The following MYOM3 variants were observed in gnomAD, a reference collection of about 807,000 sequenced individuals.
The protein encoded by MYOM3 is myomesin-3.
A neutral mutation model predicts 191.7 loss-of-function variants in MYOM3; 155 were observed. That is an observed-to-expected ratio of 0.81 (90% CI 0.71 to 0.92). The LOEUF (loss-of-function observed/expected upper bound fraction) is 0.92. MYOM3 is among the 40% of genes least tolerant of loss of function. The pLI is 0.00. For synonymous variants in MYOM3, 757 were observed against 762.9 expected, an observed-to-expected ratio of 0.99 and a Z score of 0.13; for missense variants, 1,889 against 1,890.6, an observed-to-expected ratio of 1.00 and a Z score of 0.02.
At chr1:24,059,009 G>A (rs775860565) in intron 35 of MYOM3, 30 bp from the exon 36 acceptor site, 1 of 1,572,190 alleles carries the variant, frequency 6.4e-7, no homozygotes, top group Non-Finnish European at 8.7e-7. Context: ...CCCCAGCGAT[G>A]AATCCTTTTC....
At chr1:24,067,426 CCTTCCTTCCTTCCTTCCTTT>C (rs1643463413) in intron 27 of MYOM3, among the ~76,000 whole-genome samples, 2 of 98,658 alleles carry the variant, frequency 2.0e-5, no homozygotes, top group African/African-American at 4.3e-5. Flanking sequence ...TTCCTTCCTT[CCTTCCTTCCTTCCTTCCTTT>C]GTTTCCTTCC....
At chr1:24,082,423 TG>T in intron 17 of MYOM3, 169 bp downstream of exon 17, 1 of 1,053,756 alleles carries the variant, frequency 9.5e-7, no homozygotes, top group Non-Finnish European at 1.3e-6. Flanking sequence ...CCTCAAGCCA[TG>T]GTTACTTCCT....
chr1:24,070,133 G>A (rs555928188), intron 25 of MYOM3, among the ~76,000 whole-genome samples: 39 of 152,162 alleles, frequency 2.6e-4, no homozygotes, highest in Admixed American at 8.5e-4. Context: ...GAAATAAGTC[G>A]TTTAAAATAA....
chr1:24,063,204 C>T lies in MYOM3; in HGVS notation c.3692G>A (p.Gly1231Glu), dbSNP rs150114753. 5.9e-5 allele frequency: 95 copies of T among 1,613,916 alleles called. No homozygotes were observed. The African/African-American group carries it at 9.6e-4, about 16-fold the overall frequency. The change falls in exon 32 of 37, where the codon GGG becomes GAG. Residue 1231 changes from glycine to glutamate, a missense_variant. By Grantham distance (98) the Gly-to-Glu change is moderately conservative (BLOSUM62 -2). Coordinates refer to ENST00000374434, the MANE Select transcript of MYOM3 (RefSeq NM_152372.4). The surrounding 1 kb of genome is among the most constrained non-coding windows in gnomAD (Gnocchi z 4.5). Reference protein sequence around the residue: ...ALSATPLKIQGTEEGIRIFSK... With the variant: ...ALSATPLKIQETEEGIRIFSK... ...GAAGATCCGGATCCCTTCCTCGGTCCCCTGGATTTTCAGTGGAGTTGCAGA... is the reference window on the plus strand; with the variant it reads ...GAAGATCCGGATCCCTTCCTCGGTCTCCTGGATTTTCAGTGGAGTTGCAGA...
rs183658107 is a variant in MYOM3, at chr1:24,105,340, C to T, written c.560+580G>A. Among the ~76,000 whole-genome samples the T allele has an allele frequency of 2.6e-3, 398 of 152,310 alleles. 1 individual carries two copies. The highest frequency in any genetic ancestry group is 8.7e-3 in the African/African-American group (362 of 41,560). Reference sequence around the variant, plus strand: ...GCTGAGTGAGGAGAGAGGCAGAAAGCGAGGCTGGGAACACAAGGTTCTCGC... The same window carrying T: ...GCTGAGTGAGGAGAGAGGCAGAAAGTGAGGCTGGGAACACAAGGTTCTCGC... On this transcript the variant is annotated intron_variant, in intron 5 of 36. Coordinates refer to ENST00000374434, the MANE Select transcript of MYOM3 (RefSeq NM_152372.4).
intron 23 of MYOM3, 28 bp downstream of exon 23, chr1:24,074,132 G>GT: frequency 6.4e-7 from 1 of 1,551,644 alleles, no homozygotes; most frequent in Non-Finnish European, 8.9e-7. Context: ...CTCTGGGGAG[G>GT]TGGCAGGGAG....
chr1:24,069,084 G>GA (rs915810551), intron 25 of MYOM3, among the ~76,000 whole-genome samples: 291 of 150,904 alleles, frequency 1.9e-3, no homozygotes, highest in African/African-American at 6.7e-3. Flanking sequence ...AAGGATAATG[G>GA]AAAAAAAAAT....
rs542804988 is a variant in MYOM3 at position 24,067,195 on chromosome 1, T to G, written c.3356-107A>C. 1.5e-5 allele frequency: 16 copies of G among 1,077,710 alleles called. No individual in the cohort carries two copies. In the African/African-American group the frequency reaches 2.4e-4, roughly 16 times the overall value. The allele number at this position is 1,077,710 out of a possible 1,614,324, so 66.8% of individuals were successfully genotyped here. On this transcript the variant is annotated intron_variant, in intron 27 of 36. Transcript: ENST00000374434. Reference sequence around the variant, plus strand: ...GGAGGGACAGCTAATGGCTATGGACTTCTCAGATGCTGCCTCTGCCAGGGC... The same window carrying G: ...GGAGGGACAGCTAATGGCTATGGACGTCTCAGATGCTGCCTCTGCCAGGGC...
rs1261256761 is a variant in MYOM3 at position 24,063,465 on chromosome 1, G to C, written c.3661+27C>G. On this transcript the variant is annotated intron_variant, in intron 31 of 36. Coordinates refer to ENST00000374434, the MANE Select transcript of MYOM3 (RefSeq NM_152372.4). The surrounding 1 kb of genome is among the most constrained non-coding windows in gnomAD (Gnocchi z 4.5). The stretch of plus-strand genomic sequence containing the variant: ...GCTGTTGGGCATCAGGGCAGGGCAG[G>C]GCTGGGCAAAGAGGCAGGCTGCTTA... The C allele has an allele frequency of 6.2e-6, 10 of 1,613,924 alleles. No homozygotes were observed. The highest frequency in any genetic ancestry group is 1.6e-4 in the Middle Eastern group (1 of 6,064).
chr1:24,076,760 C>T lies in MYOM3; in HGVS notation c.2587-487G>A, dbSNP rs539703845. ...CGATCTCCTGACCTCGTGATCCGCC[C>T]GCCTCGGCCTCCCAAAGTGCTGGGA... is the stretch of plus-strand genomic sequence containing the variant. On this transcript the variant is annotated intron_variant, in intron 20 of 36. Coordinates refer to ENST00000374434, the MANE Select transcript of MYOM3 (RefSeq NM_152372.4). Among the ~76,000 whole-genome samples, 106 of 121,576 alleles carry T rather than the reference C, an allele frequency of 8.7e-4. 24 individuals are homozygous for T. The highest frequency in any genetic ancestry group is 1.6e-3 in the Non-Finnish European group (88 of 53,728). The allele number at this position is 121,576 out of a possible 152,430, so 79.8% of individuals were successfully genotyped here.
Position 24,111,525 on chromosome 1 carries a change from G to A in MYOM3, c.-19+506C>T, listed in dbSNP as rs146535040. ...CATGAGCTGAGGCAACTCCTTTCCC[G>A]TCTGGGCCTCGGTTTCCTGTCAGGC... is the stretch of plus-strand genomic sequence containing the variant. On this transcript the variant is annotated intron_variant, in intron 1 of 36. Coordinates refer to ENST00000374434, the MANE Select transcript of MYOM3 (RefSeq NM_152372.4). This position sits in a 1 kb window ranked among gnomAD's most constrained non-coding sequence, Gnocchi z 4.7. Among the ~76,000 whole-genome samples, 348 of 152,304 alleles carry A rather than the reference G, an allele frequency of 2.3e-3. 1 individual carries two copies. The highest frequency in any genetic ancestry group is 7.5e-3 in the African/African-American group (310 of 41,570).
At chr1:24,069,612 T>G (rs912247507) in intron 25 of MYOM3, among the ~76,000 whole-genome samples, 1 of 120,782 alleles carries the variant, frequency 8.3e-6, no homozygotes, top group African/African-American at 2.9e-5. Context: ...TCTTTCTTTC[T>G]TTCTTTTTTT....
intron 12 of MYOM3, 74 bp from the exon 13 acceptor site, chr1:24,090,192 GGGTC>G: frequency 1.6e-6 from 2 of 1,238,726 alleles, no homozygotes; most frequent in Non-Finnish European, 2.4e-6. Context: ...CCCCACACCA[GGGTC>G]TGCGTCCTGC....
intron 9 of MYOM3, among the ~76,000 whole-genome samples, chr1:24,093,768 G>A (rs1424596856): frequency 1.3e-5 from 2 of 152,164 alleles, no homozygotes; most frequent in African/African-American, 4.8e-5. Context: ...AGACGTCTCA[G>A]CCTTGTTATT....
chr1:24,080,002 G>T lies in MYOM3; in HGVS notation c.2586+14C>A, dbSNP rs371026980. 1.1e-5 allele frequency: 17 copies of T among 1,598,862 alleles called. No homozygotes were observed. The highest frequency in any genetic ancestry group is 1.4e-5 in the Non-Finnish European group (16 of 1,172,344). ...GCTCAGGGCCAGTCAGAAGATGAAG[G>T]CATAAGAACTTACCCTCAGGTGGGT... On this transcript the variant is annotated intron_variant, in intron 20 of 36. Transcript: ENST00000374434.
chr1:24,082,916 A>G (rs1043127160), intron 16 of MYOM3: 10 of 507,234 alleles, frequency 2.0e-5, no homozygotes, highest in Non-Finnish European at 2.9e-5. Flanking sequence ...TAAGAGTTTT[A>G]AAGGATGTTT....
At chr1:24,086,906 T>C (rs1337081303) in intron 14 of MYOM3, 79 bp from the exon 15 acceptor site, 5 of 1,442,084 alleles carry the variant, frequency 3.5e-6, no homozygotes, top group African/African-American at 1.4e-5. Context: ...ATGATCTCTG[T>C]CCCCAGCCCG....
intron 15 of MYOM3, among the ~76,000 whole-genome samples, chr1:24,084,998 T>C (rs12125359): frequency 0.38 from 57,952 of 152,072 alleles, 11,672 homozygotes; most frequent in East Asian, 0.43. Flanking sequence ...CTCTACTGAT[T>C]TTCATGGCTC....
At chr1:24,074,010 A>G (rs1383504021) in intron 23 of MYOM3, 150 bp downstream of exon 23, 2 of 615,082 alleles carry the variant, frequency 3.3e-6, no homozygotes, top group African/African-American at 1.9e-5. Flanking sequence ...ACAGATATCT[A>G]TTGATGGAAA....
Sources: allele counts gnomAD v4.1 joint callset (sites outside exome capture counted in the v4.1 genomes callset), GRCh38; gene constraint gnomAD v4.1.1; non-coding constraint Gnocchi (gnomAD v3.1); transcripts MANE v1.5; gene names NCBI Gene and HGNC (gene_info 2026-07-23, HGNC 2026-07-21).